Variants in DYNLT2 observed in about 807,000 individuals in gnomAD.
DYNLT2 encodes the protein dynein light chain Tctex-type 2, also known as dynein light chain Tctex-type protein 2.
In DYNLT2, 24 loss-of-function variants were observed where a neutral mutation model predicts 24.3. That is an observed-to-expected ratio of 0.99 (90% CI 0.71 to 1.39). The LOEUF is 1.39. Among genes scored for constraint, DYNLT2 ranks in the 40% most tolerant of loss-of-function variants. The pLI is 0.00. For missense variants in DYNLT2, 246 were observed against 234.5 expected, an observed-to-expected ratio of 1.05 and a Z score of -0.32; for synonymous variants, 85 against 85.4, an observed-to-expected ratio of 1.00 and a Z score of 0.03.
chr6:169,746,665 T>C (rs903888847), intron 1 of DYNLT2, among the ~76,000 whole-genome samples: 3 of 152,062 alleles, frequency 2.0e-5, no homozygotes, highest in Non-Finnish European at 4.4e-5. Flanking sequence ...CTCTGTGTGT[T>C]TGTTGTTGTT....
the DYNLT2 span, among the ~76,000 whole-genome samples, chr6:169,731,534 C>T: frequency 6.6e-6 from 1 of 152,236 alleles, no homozygotes; most frequent in African/African-American, 2.4e-5. Context: ...TACCAGCCCC[C>T]CAATACAAAA....
the DYNLT2 span, among the ~76,000 whole-genome samples, chr6:169,732,562 G>T: frequency 1.8e-4 from 27 of 152,190 alleles, no homozygotes; most frequent in South Asian, 4.8e-3. Flanking sequence ...GTGTTAGTTT[G>T]CTGAGGATGA....
rs556758340 is a variant in DYNLT2, at chr6:169,744,209, A to C, written c.186T>G (p.Pro62=). Residue 62 remains proline, a synonymous_variant, in exon 2 of 4, where the codon CCT becomes CCG. Coordinates refer to ENST00000366774, the MANE Select transcript of DYNLT2 (RefSeq NM_174910.3). ...SIHNVQYVEP[P]FDDSIADIGK... ...CTATATCAGCAATTGAGTCATCAAAAGGAGGCTCCACATACTGAACATTGT... is the reference window on the plus strand; with the variant it reads ...CTATATCAGCAATTGAGTCATCAAACGGAGGCTCCACATACTGAACATTGT... 1.2e-4 allele frequency: 187 copies of C among 1,613,840 alleles called. No individual in the cohort carries two copies. Among genetic ancestry groups the C allele is most frequent in the Non-Finnish European group, 1.5e-4 (177 of 1,179,974 alleles).
the DYNLT2 span, among the ~76,000 whole-genome samples, chr6:169,728,226 A>G: frequency 1.3e-5 from 2 of 152,236 alleles, no homozygotes; most frequent in South Asian, 4.1e-4. Flanking sequence ...ATGAGCCATG[A>G]TATCTAAGCT....
chr6:169,743,426 G>T (rs1278712040), intron 2 of DYNLT2, among the ~76,000 whole-genome samples, 188 bp from the exon 3 acceptor site: 1 of 151,864 alleles, frequency 6.6e-6, no homozygotes, highest in Non-Finnish European at 1.5e-5. Flanking sequence ...AATATTTATT[G>T]GGGTTTTCAA....
the DYNLT2 span, among the ~76,000 whole-genome samples, chr6:169,731,114 AG>A: frequency 1.3e-5 from 2 of 152,110 alleles, no homozygotes; most frequent in Admixed American, 1.3e-4. Context: ...TTTATGTTAG[AG>A]GAAAGGCAAT....
chr6:169,740,058 C>A, downstream of DYNLT2: 14 of 602,434 alleles, frequency 2.3e-5, no homozygotes, highest in Admixed American at 3.3e-5. Flanking sequence ...TAAAATAATA[C>A]AATTGAAAGG....
chr6:169,733,689 C>T, the DYNLT2 span, among the ~76,000 whole-genome samples: 1 of 152,134 alleles, frequency 6.6e-6, no homozygotes, highest in African/African-American at 2.4e-5. Context: ...GTTACTGTAG[C>T]CTTGTAGTAT....
chr6:169,744,014 T>C, intron 2 of DYNLT2, 54 bp downstream of exon 2: 11 of 1,524,016 alleles, frequency 7.2e-6, no homozygotes, highest in Non-Finnish European at 8.9e-6. Context: ...ATAATTTCTG[T>C]TTCTCTGTAG....
chr6:169,727,608 G>C, the DYNLT2 span, among the ~76,000 whole-genome samples: 1 of 151,872 alleles, frequency 6.6e-6, no homozygotes, highest in Non-Finnish European at 1.5e-5. Context: ...CTGTTGCCCA[G>C]GTTGGAGTGC....
the DYNLT2 span, among the ~76,000 whole-genome samples, chr6:169,732,898 C>T: frequency 2.0e-5 from 3 of 152,164 alleles, 1 homozygote; most frequent in Non-Finnish European, 4.4e-5. Flanking sequence ...TACATTCTCA[C>T]CAACAGTGTA....
the DYNLT2 span, among the ~76,000 whole-genome samples, chr6:169,726,413 G>T: frequency 6.6e-6 from 1 of 152,214 alleles, no homozygotes; most frequent in Non-Finnish European, 1.5e-5. Flanking sequence ...AAAGACACAG[G>T]TAGATGTGCA....
intron 3 of DYNLT2, among the ~76,000 whole-genome samples, chr6:169,741,953 C>T (rs1271823335): frequency 2.0e-5 from 3 of 152,130 alleles, no homozygotes; most frequent in Admixed American, 6.5e-5. Context: ...GCGGTTCTCT[C>T]GCCAGTACCC....
At chr6:169,732,929 C>T in the DYNLT2 span, among the ~76,000 whole-genome samples, 9 of 152,204 alleles carry the variant, frequency 5.9e-5, no homozygotes, top group African/African-American at 2.2e-4. Flanking sequence ...TATTTCTCTA[C>T]AGCCTCGCCA....
chr6:169,740,837 T>C (rs2128335269), intron 3 of DYNLT2, among the ~76,000 whole-genome samples: 1 of 151,806 alleles, frequency 6.6e-6, no homozygotes, highest in Non-Finnish European at 1.5e-5. Context: ...AGACATAGTT[T>C]CACTCTTATT....
At position 169,751,521 on chromosome 6, in the gene DYNLT2, C is replaced by T; in HGVS notation, c.-63G>A. On this transcript the variant is annotated 5_prime_UTR_variant, in exon 1 of 4. Coordinates refer to ENST00000366774, the MANE Select transcript of DYNLT2 (RefSeq NM_174910.3). ...CACCGCCGGCGGTCAAACGCCCTAG[C>T]CAGTCCCGCGAGGGCGGAAGTCTCC... is the stretch of plus-strand genomic sequence containing the variant. 2 of 1,610,942 alleles carry T rather than the reference C, an allele frequency of 1.2e-6. No homozygotes were observed. The highest frequency in any genetic ancestry group is 8.5e-7 in the Non-Finnish European group (1 of 1,178,836).
chr6:169,741,509 A>G (rs1302847335), intron 3 of DYNLT2, among the ~76,000 whole-genome samples: 1 of 152,188 alleles, frequency 6.6e-6, no homozygotes, highest in Non-Finnish European at 1.5e-5. Flanking sequence ...GACTCACAGA[A>G]AGTAAGCAAA....
the DYNLT2 span, among the ~76,000 whole-genome samples, chr6:169,734,819 G>A: frequency 6.6e-6 from 1 of 152,130 alleles, no homozygotes; most frequent in South Asian, 2.1e-4. Flanking sequence ...AGTTAGGGAG[G>A]ATTCCCTCCT....
At chr6:169,729,500 G>T in the DYNLT2 span, among the ~76,000 whole-genome samples, 1 of 152,146 alleles carries the variant, frequency 6.6e-6, no homozygotes, top group Non-Finnish European at 1.5e-5. Flanking sequence ...ACAACTACAT[G>T]CTTTGCTGCT....
Sources: gnomAD v4.1 joint callset for allele counts (sites outside exome capture counted in the v4.1 genomes callset) on GRCh38, gnomAD v4.1.1 for gene constraint, MANE v1.5 for transcripts, NCBI Gene and HGNC (gene_info 2026-07-23, HGNC 2026-07-21) for gene names.